The following RNF180 variants were observed in gnomAD, a reference collection of about 807,000 sequenced individuals.
RNF180 encodes E3 ubiquitin-protein ligase RNF180.
Under a neutral mutation model 59.2 loss-of-function variants are expected in RNF180, and 38 were observed. That is an observed-to-expected ratio of 0.64 (90% CI 0.50 to 0.84). RNF180 has a LOEUF of 0.84. Among genes scored for constraint, RNF180 ranks in the 40% least tolerant of loss-of-function variants. RNF180 has a pLI of 0.00. For synonymous variants in RNF180, 262 were observed against 240.3 expected (o/e 1.09, Z -0.84); for missense variants, 705 against 700.9 (o/e 1.01, Z -0.07).
In RNF180 at chr5:64,296,296, G is replaced by A. The variant is rs78034971; in HGVS notation, c.1228-28890G>A. 8.9e-3 allele frequency among the ~76,000 whole-genome samples: 1,357 copies of A among 152,256 alleles called. 12 individuals carry two copies. Among genetic ancestry groups the A allele is most frequent in the Middle Eastern group, 0.027 (8 of 294 alleles). On this transcript the variant is annotated intron_variant, in intron 5 of 7. Transcript: ENST00000389100. ...ATGAAAACATAGACAACAGGAAGTG[G>A]GAAATAGGTTTTGAACAGTTTAGTT...
intron 5 of RNF180, among the ~76,000 whole-genome samples, chr5:64,324,974 A>G (rs185303409): frequency 6.6e-4 from 100 of 152,296 alleles, no homozygotes; most frequent in African/African-American, 2.1e-3. Flanking sequence ...ACTTAGCACT[A>G]TGTCACAATA....
At position 64,319,189 on chromosome 5, in the gene RNF180, A is replaced by C. The variant is rs549663862; in HGVS notation, c.1228-5997A>C. 3.9e-5 allele frequency among the ~76,000 whole-genome samples: 6 copies of C among 152,128 alleles called. No individual in the cohort carries two copies. The East Asian group carries it at 5.8e-4, about 15-fold the overall frequency. On this transcript the variant is annotated intron_variant, in intron 5 of 7. Transcript: ENST00000389100. Reference sequence around the variant, plus strand: ...AACTGTTGTTTAAAAAAAAAAAAAAAAACTTTGTATCTATAAAAAGGTTAC... The same window carrying C: ...AACTGTTGTTTAAAAAAAAAAAAAACAACTTTGTATCTATAAAAAGGTTAC...
chr5:64,260,078 C>CA (rs1744237873), intron 5 of RNF180, among the ~76,000 whole-genome samples: 1 of 152,162 alleles, frequency 6.6e-6, no homozygotes. Flanking sequence ...TTTATATACT[C>CA]ACAAATAAAT....
At chr5:64,242,992 G>A (rs1742891317) in intron 5 of RNF180, among the ~76,000 whole-genome samples, 1 of 152,210 alleles carries the variant, frequency 6.6e-6, no homozygotes, top group African/African-American at 2.4e-5. Context: ...AAGGGTCAGG[G>A]AAGTCCCTCC....
chr5:64,176,814 G>T (rs1334102527), intron 1 of RNF180, among the ~76,000 whole-genome samples: 1 of 152,156 alleles, frequency 6.6e-6, no homozygotes. Flanking sequence ...GAAATAAACA[G>T]TGAGGCTTGT....
At chr5:64,243,234 GAC>G (rs1561212807) in intron 5 of RNF180, among the ~76,000 whole-genome samples, 1 of 152,148 alleles carries the variant, frequency 6.6e-6, no homozygotes, top group Non-Finnish European at 1.5e-5. Context: ...ATGCCAGTGA[GAC>G]AGAACCGTTC....
intron 7 of RNF180, among the ~76,000 whole-genome samples, chr5:64,352,610 C>T (rs1745863227): frequency 6.6e-6 from 1 of 151,934 alleles, no homozygotes; most frequent in Non-Finnish European, 1.5e-5. Flanking sequence ...TGTCTTTGTT[C>T]TTATTGGTTT....
intron 1 of RNF180, among the ~76,000 whole-genome samples, chr5:64,191,921 A>G (rs1262916072): frequency 6.6e-6 from 1 of 152,172 alleles, no homozygotes; most frequent in African/African-American, 2.4e-5. Flanking sequence ...TTACAGGTTC[A>G]GATATTACTG....
At chr5:64,243,775 A>ACC (rs1742974418) in intron 5 of RNF180, among the ~76,000 whole-genome samples, 1 of 151,740 alleles carries the variant, frequency 6.6e-6, no homozygotes, top group Non-Finnish European at 1.5e-5. Context: ...TGGGTCCCTG[A>ACC]CCCCCGAGTC....
At chr5:64,194,465 C>A (rs1341397255) in intron 1 of RNF180, among the ~76,000 whole-genome samples, 4 of 152,128 alleles carry the variant, frequency 2.6e-5, no homozygotes, top group South Asian at 2.1e-4. Context: ...CAATAAACAT[C>A]CGTGTGCATG....
At chr5:64,226,189 G>A (rs1427649630) in intron 5 of RNF180, among the ~76,000 whole-genome samples, 4 of 152,152 alleles carry the variant, frequency 2.6e-5, no homozygotes, top group East Asian at 1.9e-4. Context: ...CATCGAGAAC[G>A]GGCCATGATG....
At position 64,217,320 on chromosome 5, in the gene RNF180, T is replaced by C. The variant is rs370040765; in HGVS notation, c.1192-41T>C. The C allele has an allele frequency of 1.1e-4, 151 of 1,367,648 alleles. No individual in the cohort carries two copies. The African/African-American group carries it at 1.9e-3, about 17-fold the overall frequency. 84.7% of individuals were successfully genotyped at this position (1,367,648 alleles called of 1,614,324 possible). A position where few individuals can be genotyped will look rare whatever the true frequency, so the allele number is the denominator to read the frequency against. On this transcript the variant is annotated intron_variant, in intron 4 of 7. Transcript: ENST00000389100. ...TGAATAGAACTTTTACAGACATTCA[T>C]GTGCTTATTTTTGTGTGAACCTAAT...
intron 7 of RNF180, among the ~76,000 whole-genome samples, chr5:64,356,670 A>G (rs183600428): frequency 8.5e-5 from 13 of 152,050 alleles, no homozygotes; most frequent in Non-Finnish European, 1.5e-4. Context: ...AGTAAAAGCC[A>G]TAAAAAGGAA....
intron 7 of RNF180, among the ~76,000 whole-genome samples, chr5:64,362,376 A>G (rs1039725527): frequency 6.6e-6 from 1 of 151,888 alleles, no homozygotes; most frequent in Non-Finnish European, 1.5e-5. Flanking sequence ...GCTAAGGATA[A>G]TGGCCTCCAG....
At chr5:64,333,363 C>T (rs1332036071) in intron 7 of RNF180, among the ~76,000 whole-genome samples, 3 of 151,888 alleles carry the variant, frequency 2.0e-5, no homozygotes, top group African/African-American at 4.8e-5. Context: ...GAAGGAGTTT[C>T]GTCATGTTGG....
chr5:64,330,361 A>G lies in RNF180; in HGVS notation c.1534A>G (p.Lys512Glu), dbSNP rs1215664040. ...AAGCTTTCAGAAATCCAACTCTGCA[A>G]AATGGCCCCTACCAAGCTGCAGAAA... is the stretch of plus-strand genomic sequence containing the variant. ...KQSFQKSNSA[K>E]WPLPSCRKAF... Residue 512 changes from lysine to glutamate, a missense_variant, in exon 7 of 8, where the codon AAA (lysine) becomes GAA (glutamate). Physicochemically the swap from Lys to Glu is moderately conservative, Grantham distance 56. Transcript: ENST00000389100. 1.3e-6 allele frequency: 2 copies of G among 1,546,368 alleles called. No individual in the cohort carries two copies. The highest frequency in any genetic ancestry group is 2.0e-5 in the Admixed American group (1 of 49,660).
chr5:64,294,149 T>G (rs1029532802), intron 5 of RNF180, among the ~76,000 whole-genome samples: 2 of 152,182 alleles, frequency 1.3e-5, no homozygotes, highest in Non-Finnish European at 2.9e-5. Flanking sequence ...ATTTTAAAAA[T>G]CAATAATAAC....
chr5:64,329,059 A>G (rs1744778098), intron 6 of RNF180, among the ~76,000 whole-genome samples: 1 of 152,220 alleles, frequency 6.6e-6, no homozygotes. Context: ...TCAAACGACT[A>G]TATCCTTTTT....
intron 7 of RNF180, among the ~76,000 whole-genome samples, chr5:64,349,401 GTCT>G (rs1408192062): frequency 3.6e-5 from 5 of 137,156 alleles, no homozygotes; most frequent in African/African-American, 5.9e-5. Flanking sequence ...TGACAGGCTA[GTCT>G]TCTTTCTTTT....
Sources: allele counts gnomAD v4.1 joint callset (sites outside exome capture counted in the v4.1 genomes callset), GRCh38; gene constraint gnomAD v4.1.1; transcripts MANE v1.5; gene names NCBI Gene and HGNC (gene_info 2026-07-23, HGNC 2026-07-21).